CENPI: variants seen among roughly 807,000 people sequenced by gnomAD.
CENPI encodes the protein centromere protein I, also known as FSH primary response 1.
A neutral mutation model predicts 60.4 loss-of-function variants in CENPI; 4 were observed. That is an observed-to-expected ratio of 0.07 (90% CI 0.03 to 0.15). The LOEUF (loss-of-function observed/expected upper bound fraction) is 0.15, where lower values mean the gene tolerates loss of function less well. CENPI is among the 10% of genes least tolerant of loss of function. The probability of loss-of-function intolerance (pLI) is 1.00; values close to 1 mark genes in which losing one functional copy is unlikely to be tolerated. For synonymous variants in CENPI, 157 were observed against 189.4 expected (o/e 0.83, Z 1.40); for missense variants, 444 against 534.5 (o/e 0.83, Z 1.67).
At chrX:101,150,716 C>T (rs1244859066) in intron 20 of CENPI, among the ~76,000 whole-genome samples, 2 of 110,416 alleles carry the variant, frequency 1.8e-5, no homozygotes, top group Non-Finnish European at 3.8e-5. Flanking sequence ...TAAAAATTTA[C>T]ATAATTCTAT....
chrX:101,168,846 T>C (rs904137881), downstream of CENPI, among the ~76,000 whole-genome samples: 2 of 111,674 alleles, frequency 1.8e-5, no homozygotes, highest in Non-Finnish European at 3.8e-5. Flanking sequence ...TATCCAGAGC[T>C]GCAGCAGTGT....
chrX:101,180,338 T>C, the CENPI span, among the ~76,000 whole-genome samples: 1 of 111,115 alleles, frequency 9.0e-6, no homozygotes, highest in African/African-American at 3.3e-5. Flanking sequence ...GGTCTCACTA[T>C]GTTGCCTAGG....
chrX:101,140,905 T>G (rs1346414642), intron 16 of CENPI, 145 bp downstream of exon 16: 2 of 424,149 alleles, frequency 4.7e-6, no homozygotes, highest in Admixed American at 7.9e-5. Context: ...TTCACTCTTC[T>G]TCCCCCACAA....
At chrX:101,135,413 T>G (rs2089836841) in intron 15 of CENPI, among the ~76,000 whole-genome samples, 1 of 110,620 alleles carries the variant, frequency 9.0e-6, no homozygotes, top group African/African-American at 3.3e-5. Context: ...AAATAGAGGG[T>G]AGTATAGCTG....
intron 11 of CENPI, among the ~76,000 whole-genome samples, chrX:101,128,290 G>A (rs779924922): frequency 4.5e-5 from 5 of 110,899 alleles, no homozygotes; most frequent in Non-Finnish European, 9.4e-5. Context: ...CCGAGATCGC[G>A]CCATTGCACT....
chrX:101,116,370 A>G (rs1262717504), intron 6 of CENPI, among the ~76,000 whole-genome samples: 2 of 109,992 alleles, frequency 1.8e-5, no homozygotes, highest in Non-Finnish European at 3.8e-5. Flanking sequence ...TTCTTCTTCC[A>G]ATGTGGCCCG....
chrX:101,153,231 T>C (rs1213117556), intron 20 of CENPI, among the ~76,000 whole-genome samples: 2 of 111,594 alleles, frequency 1.8e-5, no homozygotes, highest in Non-Finnish European at 3.8e-5. Context: ...TTATATATTT[T>C]CTTTGGAGAA....
intron 4 of CENPI, among the ~76,000 whole-genome samples, chrX:101,107,699 A>G (rs1313677381): frequency 9.5e-6 from 1 of 105,714 alleles, no homozygotes; most frequent in East Asian, 3.0e-4. Flanking sequence ...ATGGAGTTTC[A>G]CTCTTGTAGC....
chrX:101,171,485 A>G, the CENPI span, among the ~76,000 whole-genome samples: 2 of 111,842 alleles, frequency 1.8e-5, no homozygotes, highest in East Asian at 5.6e-4. Context: ...CGCCCAGGCT[A>G]GAGGGCAGTG....
At position 101,147,994 on chromosome X, in the gene CENPI, T is replaced by C; in HGVS notation, c.1927T>C (p.Tyr643His). 1.7e-6 allele frequency: 2 copies of C among 1,204,318 alleles called. No homozygotes were observed. Among genetic ancestry groups the C allele is most frequent in the Non-Finnish European group, 2.2e-6 (2 of 892,485 alleles). The change falls in exon 20 of 22, where the codon TAT becomes CAT. Residue 643 changes from tyrosine to histidine, a missense_variant. Coordinates refer to ENST00000682095, the MANE Select transcript of CENPI (RefSeq NM_001386188.2). The part of the protein sequence containing the change: ...SSKTYQEFNH[Y>H]LTSMVGCLWT... The stretch of plus-strand genomic sequence containing the variant: ...CAAGACTTATCAAGAATTTAATCAC[T>C]ATTTGACATCAATGGTTGGTTGCCT...
chrX:101,153,109 T>C (rs2090022506), intron 20 of CENPI, among the ~76,000 whole-genome samples: 1 of 109,872 alleles, frequency 9.1e-6, no homozygotes, highest in Admixed American at 1.0e-4. Flanking sequence ...TTTATCTGTT[T>C]TTTTGGTTCT....
chrX:101,147,618 T>G, intron 18 of CENPI, 145 bp from the exon 19 acceptor site: 1 of 480,407 alleles, frequency 2.1e-6, no homozygotes. Context: ...GATAAAATCC[T>G]TAACTAGACA....
intron 2 of CENPI, among the ~76,000 whole-genome samples, chrX:101,099,380 A>C (rs2089384442): frequency 9.3e-6 from 1 of 107,717 alleles, no homozygotes; most frequent in Admixed American, 1.0e-4. Flanking sequence ...GTGAGCCGAG[A>C]TAGAGATTGC....
At chrX:101,107,846 T>A (rs1215319933) in intron 4 of CENPI, among the ~76,000 whole-genome samples, 1 of 104,538 alleles carries the variant, frequency 9.6e-6, no homozygotes, top group East Asian at 3.0e-4. Context: ...TTTTTTTTTT[T>A]TTTTTTTTGA....
At chrX:101,111,860 C>T (rs1368907638) in intron 6 of CENPI, among the ~76,000 whole-genome samples, 4 of 111,076 alleles carry the variant, frequency 3.6e-5, no homozygotes, top group South Asian at 3.8e-4. Flanking sequence ...GGTGAAACCC[C>T]GTCTCTGCTA....
At chrX:101,111,280 C>T (rs2089550605) in intron 6 of CENPI, among the ~76,000 whole-genome samples, 2 of 110,993 alleles carry the variant, frequency 1.8e-5, no homozygotes. Flanking sequence ...AACATGATGT[C>T]CTAGACAAGA....
chrX:101,099,511 C>T (rs1362618311), intron 2 of CENPI, among the ~76,000 whole-genome samples: 1 of 110,048 alleles, frequency 9.1e-6, no homozygotes, highest in African/African-American at 3.3e-5. Flanking sequence ...TGTGACCCAC[C>T]TTGCCCAGCC....
At position 101,120,315 on chromosome X, in the gene CENPI, C is replaced by T. The variant is rs146617497; in HGVS notation, c.592-87C>T. The stretch of plus-strand genomic sequence containing the variant: ...TCCTGAAGGTTTTTTACTTAATCAG[C>T]GTAAGATTGACATTTGAGGAAAATG... On this transcript the variant is annotated intron_variant, in intron 6 of 21. Coordinates refer to ENST00000682095, the MANE Select transcript of CENPI (RefSeq NM_001386188.2). 1.0e-3 allele frequency: 458 copies of T among 452,773 alleles called. 2 individuals carry two copies. Among genetic ancestry groups the T allele is most frequent in the African/African-American group, 9.8e-3 (399 of 40,720 alleles). 37.3% of individuals were successfully genotyped at this position (452,773 alleles called of 1,213,427 possible). A position where few individuals can be genotyped will look rare whatever the true frequency, so the allele number is the denominator to read the frequency against.
rs201360386 is a variant in CENPI at position 101,132,165 on chromosome X, G to T, written c.1288-25G>T. 6.8e-6 allele frequency: 7 copies of T among 1,032,702 alleles called. No individual in the cohort carries two copies. The East Asian group carries it at 2.1e-4, about 31-fold the overall frequency. 85.1% of individuals were successfully genotyped at this position (1,032,702 alleles called of 1,213,427 possible). On this transcript the variant is annotated intron_variant, in intron 13 of 21. Coordinates refer to ENST00000682095, the MANE Select transcript of CENPI (RefSeq NM_001386188.2). The stretch of plus-strand genomic sequence containing the variant: ...TTATGACTGAAGAGTTCCATATAAG[G>T]ATTTACTATTCACTTGTGTTACAGG...
Sources: gnomAD v4.1 joint callset for allele counts (sites outside exome capture counted in the v4.1 genomes callset) on GRCh38, gnomAD v4.1.1 for gene constraint, MANE v1.5 for transcripts, NCBI Gene and HGNC (gene_info 2026-07-23, HGNC 2026-07-21) for gene names.